RORA: variants seen among roughly 807,000 people sequenced by gnomAD.
RORA encodes RAR related orphan receptor A, also known as nuclear receptor ROR-alpha.
In RORA, 7 loss-of-function variants were observed where a neutral mutation model predicts 69.5. That is an observed-to-expected ratio of 0.10 (90% CI 0.06 to 0.19). The LOEUF is 0.19. Ranked by LOEUF, RORA falls within the 10% of genes least tolerant of loss-of-function variation. RORA has a pLI of 1.00. For synonymous variants in RORA, 261 were observed against 240.8 expected (o/e 1.08, Z -0.78); for missense variants, 457 against 663.0 (o/e 0.69, Z 3.41).
intron 2 of RORA, among the ~76,000 whole-genome samples, chr15:60,536,688 G>A (rs2066690656): frequency 6.6e-6 from 1 of 152,212 alleles, no homozygotes; most frequent in African/African-American, 2.4e-5. Flanking sequence ...TCTTGAATTG[G>A]ACTGAATGGG....
At position 60,490,173 on chromosome 15, in the gene RORA, T is replaced by C. The variant is rs2065019011; in HGVS notation, c.*7282A>G. ...GCATAGGTAGATATATATATATATG[T>C]ATATATATACAAATATATAGTTATA... On this transcript the variant is annotated 3_prime_UTR_variant, in exon 11 of 11. Coordinates refer to ENST00000335670, the MANE Select transcript of RORA (RefSeq NM_134261.3). This position sits in a 1 kb window ranked among gnomAD's most constrained non-coding sequence, Gnocchi z 4.1. 2.6e-5 allele frequency: 4 copies of C among 151,056 alleles called. No homozygotes were observed. 9.4% of individuals were successfully genotyped at this position (151,056 alleles called of 1,614,324 possible).
chr15:60,606,923 A>T (rs2068958925), intron 2 of RORA, among the ~76,000 whole-genome samples: 1 of 152,222 alleles, frequency 6.6e-6, no homozygotes, highest in Non-Finnish European at 1.5e-5. Flanking sequence ...AAACTCCAAG[A>T]ACCAAAAGTT....
intron 1 of RORA, among the ~76,000 whole-genome samples, chr15:60,705,974 T>G (rs921096916): frequency 6.6e-6 from 1 of 152,196 alleles, no homozygotes; most frequent in East Asian, 1.9e-4. Context: ...GCAGGTATTA[T>G]GAAGGTTCAT....
At chr15:60,770,232 A>G (rs1342325718) in intron 1 of RORA, among the ~76,000 whole-genome samples, 1 of 152,036 alleles carries the variant, frequency 6.6e-6, no homozygotes, top group Non-Finnish European at 1.5e-5. Context: ...TTTCTTGGAG[A>G]AAAGAGATTT....
chr15:60,527,215 C>T (rs1480035841), intron 3 of RORA, among the ~76,000 whole-genome samples: 3 of 152,132 alleles, frequency 2.0e-5, no homozygotes, highest in African/African-American at 4.8e-5. Context: ...ATTGTGTAGC[C>T]AAAATATCTA....
At chr15:61,167,399 G>C (rs1166111080) in intron 1 of RORA, among the ~76,000 whole-genome samples, 1 of 150,988 alleles carries the variant, frequency 6.6e-6, no homozygotes, top group Non-Finnish European at 1.5e-5. Context: ...CAGACACTCA[G>C]GTTAATAATA....
intron 1 of RORA, among the ~76,000 whole-genome samples, chr15:61,059,076 C>G (rs898985863): frequency 6.6e-6 from 1 of 152,224 alleles, no homozygotes; most frequent in Non-Finnish European, 1.5e-5. Flanking sequence ...ACAAATACTC[C>G]TGCATCTTCC....
chr15:60,605,259 T>G (rs1433135570), intron 2 of RORA, among the ~76,000 whole-genome samples: 1 of 152,194 alleles, frequency 6.6e-6, no homozygotes, highest in Non-Finnish European at 1.5e-5. Context: ...AAAGCAATTC[T>G]TCGTAATGTA....
intron 1 of RORA, among the ~76,000 whole-genome samples, chr15:60,776,959 T>C (rs2072176136): frequency 6.6e-6 from 1 of 152,218 alleles, no homozygotes; most frequent in Admixed American, 6.5e-5. Context: ...TCTGCAGAAA[T>C]ATATGCTCCT....
chr15:60,620,770 G>A (rs965494940), intron 2 of RORA, among the ~76,000 whole-genome samples: 1 of 152,242 alleles, frequency 6.6e-6, no homozygotes, highest in African/African-American at 2.4e-5. Flanking sequence ...TGGGATGTGT[G>A]GCTTTTCGGG....
At chr15:60,658,113 C>T (rs1301728213) in intron 2 of RORA, among the ~76,000 whole-genome samples, 1 of 151,498 alleles carries the variant, frequency 6.6e-6, no homozygotes, top group Non-Finnish European at 1.5e-5. Context: ...TGGAGTCTTG[C>T]TCTGTTGTCC....
chr15:60,629,401 G>A (rs1409220731), intron 2 of RORA, among the ~76,000 whole-genome samples: 1 of 151,060 alleles, frequency 6.6e-6, no homozygotes, highest in African/African-American at 2.4e-5. Context: ...TGGCCAGGAT[G>A]ACTGTTTATT....
At chr15:61,216,674 G>T (rs2080043520) in intron 1 of RORA, among the ~76,000 whole-genome samples, 1 of 152,182 alleles carries the variant, frequency 6.6e-6, no homozygotes, top group African/African-American at 2.4e-5. Context: ...TGGGAGCAGG[G>T]AGACAGGGAA....
intron 2 of RORA, among the ~76,000 whole-genome samples, chr15:60,675,946 G>A (rs1472987539): frequency 2.0e-5 from 3 of 152,172 alleles, no homozygotes; most frequent in African/African-American, 7.2e-5. Flanking sequence ...GGTGACTTCA[G>A]CTGTCGATGA....
chr15:61,112,313 GA>G (rs1181964780), intron 1 of RORA, among the ~76,000 whole-genome samples: 5 of 152,148 alleles, frequency 3.3e-5, no homozygotes, highest in Non-Finnish European at 4.4e-5. Context: ...GCCAGTTCTT[GA>G]CCACAGAAAG....
At chr15:60,522,719 T>C (rs1198681727) in intron 3 of RORA, among the ~76,000 whole-genome samples, 1 of 149,274 alleles carries the variant, frequency 6.7e-6, no homozygotes, top group African/African-American at 2.5e-5. Context: ...CAGTGAGCTA[T>C]GATTGTACCA....
At chr15:60,977,826 A>G (rs1893922403) in intron 1 of RORA, among the ~76,000 whole-genome samples, 1 of 152,186 alleles carries the variant, frequency 6.6e-6, no homozygotes, top group South Asian at 2.1e-4. Context: ...ATTCCTCTGC[A>G]TGGAGATACC....
intron 2 of RORA, among the ~76,000 whole-genome samples, chr15:60,597,551 C>T (rs962626317): frequency 1.8e-3 from 44 of 25,116 alleles, no homozygotes; most frequent in South Asian, 3.1e-3. Flanking sequence ...ACACACACAA[C>T]ATATATATAT....
chr15:61,158,121 T>C (rs1483098071), intron 1 of RORA, among the ~76,000 whole-genome samples: 1 of 152,190 alleles, frequency 6.6e-6, no homozygotes, highest in Non-Finnish European at 1.5e-5. Flanking sequence ...AATGGAGTGT[T>C]GGTCACATGT....
Sources: allele counts gnomAD v4.1 joint callset (sites outside exome capture counted in the v4.1 genomes callset), GRCh38; gene constraint gnomAD v4.1.1; non-coding constraint Gnocchi (gnomAD v3.1); transcripts MANE v1.5; gene names NCBI Gene and HGNC (gene_info 2026-07-23, HGNC 2026-07-21).